Variants in ST6GAL1 observed in about 807,000 individuals in gnomAD.
ST6GAL1 encodes the protein ST6 beta-galactoside alpha-2,6-sialyltransferase 1.
Under a neutral mutation model 38.0 loss-of-function variants are expected in ST6GAL1, and 20 were observed. The ratio of observed to expected loss-of-function variants is 0.53; its 90% CI spans 0.37 to 0.77. ST6GAL1 has a LOEUF of 0.77. Among genes scored for constraint, ST6GAL1 ranks in the 30% least tolerant of loss-of-function variants. The pLI, the probability that ST6GAL1 is intolerant of heterozygous loss-of-function variation, is 0.00. For synonymous variants in ST6GAL1, 196 were observed against 188.2 expected (o/e 1.04, Z -0.34); for missense variants, 432 against 496.4 (o/e 0.87, Z 1.23).
At chr3:187,044,705 T>G (rs1027104120) in intron 4 of ST6GAL1, among the ~76,000 whole-genome samples, 21 of 152,338 alleles carry the variant, frequency 1.4e-4, no homozygotes, top group Non-Finnish European at 2.9e-4. Context: ...CGTGCCTGGC[T>G]GAAATTGTAC....
In ST6GAL1 at chr3:186,975,573, A is replaced by G. The variant is rs1490300003; in HGVS notation, c.-183+11647A>G. Reference sequence around the variant, plus strand: ...TCAACCAGTCTCCCTCTGCCTGTCCACAACTGAACTTCCCCACAGTGTGTT... The same window carrying G: ...TCAACCAGTCTCCCTCTGCCTGTCCGCAACTGAACTTCCCCACAGTGTGTT... On this transcript the variant is annotated intron_variant, in intron 2 of 7. Transcript: ENST00000169298. 2.0e-5 allele frequency among the ~76,000 whole-genome samples: 3 copies of G among 152,206 alleles called. 1 individual carries two copies. Among genetic ancestry groups the G allele is most frequent in the Non-Finnish European group, 4.4e-5 (3 of 68,028 alleles).
At position 186,949,436 on chromosome 3, in the gene ST6GAL1, G is replaced by A. The variant is rs73069431; in HGVS notation, c.-324-14349G>A. On this transcript the variant is annotated intron_variant, in intron 1 of 7. Transcript: ENST00000169298. ...CAGTGTGAGGAATGAATCCCCAGAAGATGATTCCTGCCAGAGGGCTTGTGA... is the reference window on the plus strand; with the variant it reads ...CAGTGTGAGGAATGAATCCCCAGAAAATGATTCCTGCCAGAGGGCTTGTGA... 8.1e-3 allele frequency among the ~76,000 whole-genome samples: 1,232 copies of A among 152,328 alleles called. 20 individuals are homozygous for A. Among genetic ancestry groups the A allele is most frequent in the African/African-American group, 0.028 (1,155 of 41,564 alleles).
intron 2 of ST6GAL1, among the ~76,000 whole-genome samples, chr3:187,032,406 A>C (rs1717784175): frequency 6.6e-6 from 1 of 152,224 alleles, no homozygotes; most frequent in African/African-American, 2.4e-5. Flanking sequence ...AGTGTTTTCT[A>C]CAGGGGGCTA....
intron 1 of ST6GAL1, among the ~76,000 whole-genome samples, chr3:186,945,169 G>A (rs1387857172): frequency 2.0e-5 from 3 of 152,130 alleles, no homozygotes; most frequent in Admixed American, 6.5e-5. Context: ...TCAGCTGGGT[G>A]TGGTAGTGCA....
chr3:186,970,203 TC>T (rs1205091666), intron 2 of ST6GAL1, among the ~76,000 whole-genome samples: 11 of 144,908 alleles, frequency 7.6e-5, no homozygotes, highest in African/African-American at 2.6e-4. Context: ...TATTTCTTTT[TC>T]TTTTCTTTTT....
At chr3:187,073,013 C>A in intron 6 of ST6GAL1, 66 bp downstream of exon 6, 2 of 1,362,150 alleles carry the variant, frequency 1.5e-6, no homozygotes, top group Non-Finnish European at 2.1e-6. Flanking sequence ...TCCTGATTTC[C>A]TAGGTTTTTA....
chr3:187,064,700 A>C, intron 5 of ST6GAL1: 1 of 448,694 alleles, frequency 2.2e-6, no homozygotes, highest in East Asian at 7.0e-5. Context: ...TGGCCGCTCC[A>C]TGACAGCACT....
intron 1 of ST6GAL1, among the ~76,000 whole-genome samples, chr3:186,949,176 C>A (rs1458186346): frequency 1.2e-4 from 18 of 152,154 alleles, no homozygotes; most frequent in Admixed American, 1.0e-3. Flanking sequence ...GGATCTGAGC[C>A]CTGGAGGAGA....
intron 1 of ST6GAL1, among the ~76,000 whole-genome samples, chr3:186,946,509 TGTTGGG>T (rs904623715): frequency 2.6e-5 from 4 of 152,018 alleles, no homozygotes; most frequent in Non-Finnish European, 4.4e-5. Context: ...CCTCCGAAAG[TGTTGGG>T]ATTACAGGTC....
intron 2 of ST6GAL1, among the ~76,000 whole-genome samples, chr3:187,022,391 C>CT (rs1381011236): frequency 1.4e-4 from 21 of 152,218 alleles, no homozygotes; most frequent in Middle Eastern, 3.4e-3. Context: ...GCTGAGGGGC[C>CT]TTACAAGTCT....
chr3:187,047,895 C>A (rs1238837631), intron 4 of ST6GAL1, among the ~76,000 whole-genome samples: 5 of 151,604 alleles, frequency 3.3e-5, no homozygotes, highest in Non-Finnish European at 7.4e-5. Context: ...ATTAGAATAT[C>A]CATCTCCTCA....
Position 187,075,860 on chromosome 3 carries a change from C to A in ST6GAL1, c.*57C>A. On this transcript the variant is annotated 3_prime_UTR_variant, in exon 8 of 8. Transcript: ENST00000169298. The surrounding 1 kb of genome is among the most constrained non-coding windows in gnomAD (Gnocchi z 4.1). ...TTAAATGAATGGTCTCTTGGCCACCCCAGCCTGGGAAGAACATTTTCCTGA... is the reference window on the plus strand; with the variant it reads ...TTAAATGAATGGTCTCTTGGCCACCACAGCCTGGGAAGAACATTTTCCTGA... 1 of 1,599,366 alleles carries A rather than the reference C, an allele frequency of 6.3e-7. No homozygotes were observed. Among genetic ancestry groups the A allele is most frequent in the South Asian group, 1.1e-5 (1 of 89,112 alleles).
chr3:186,930,654 G>T lies in ST6GAL1; in HGVS notation c.-505G>T. ...TCCCGGGCGATCCTGCCCTTGCCGA[G>T]CGCGTTTTCTGGAGTCACCTGGGGG... On this transcript the variant is annotated 5_prime_UTR_variant, in exon 1 of 8. Transcript: ENST00000169298. The T allele has an allele frequency of 6.6e-6, 1 of 152,652 alleles. No individual in the cohort carries two copies. The highest frequency in any genetic ancestry group is 1.5e-5 in the Non-Finnish European group (1 of 68,296). The allele number at this position is 152,652 out of a possible 1,614,324, so 9.5% of individuals were successfully genotyped here. A position where few individuals can be genotyped will look rare whatever the true frequency, so the allele number is the denominator to read the frequency against.
At position 187,076,276 on chromosome 3, in the gene ST6GAL1, G is replaced by C. The variant is rs1393996102; in HGVS notation, c.*473G>C. 5.9e-6 allele frequency: 1 copy of C among 170,526 alleles called. No homozygotes were observed. The allele number at this position is 170,526 out of a possible 1,614,324, so 10.6% of individuals were successfully genotyped here. On this transcript the variant is annotated 3_prime_UTR_variant, in exon 8 of 8. Coordinates refer to ENST00000169298, the MANE Select transcript of ST6GAL1 (RefSeq NM_173216.2). Reference sequence around the variant, plus strand: ...CAGGGTGGCTCTGGGGGGCAAGTAGGTGGTACAGGGGATTGGAAACATGCT... The same window carrying C: ...CAGGGTGGCTCTGGGGGGCAAGTAGCTGGTACAGGGGATTGGAAACATGCT...
intron 2 of ST6GAL1, among the ~76,000 whole-genome samples, chr3:186,972,683 T>C (rs1158844158): frequency 6.6e-6 from 1 of 152,174 alleles, no homozygotes; most frequent in Admixed American, 6.5e-5. Flanking sequence ...TAGGTGTTTA[T>C]TTAAAAAAGT....
intron 1 of ST6GAL1, among the ~76,000 whole-genome samples, chr3:186,938,328 A>G (rs916141932): frequency 1.6e-4 from 25 of 152,354 alleles, no homozygotes; most frequent in Admixed American, 3.3e-4. Context: ...TGTATCGCCT[A>G]TGTAGACTTG....
intron 3 of ST6GAL1, among the ~76,000 whole-genome samples, chr3:187,040,703 A>C (rs976079734): frequency 6.6e-6 from 1 of 152,184 alleles, no homozygotes; most frequent in African/African-American, 2.4e-5. Flanking sequence ...TCATGTGATT[A>C]CCTGTGTTGG....
At chr3:186,983,340 G>A (rs1715755930) in intron 2 of ST6GAL1, among the ~76,000 whole-genome samples, 2 of 152,154 alleles carry the variant, frequency 1.3e-5, no homozygotes, top group Admixed American at 1.3e-4. Context: ...GAATATAATT[G>A]AGATTTAAGT....
At chr3:187,044,488 C>T (rs896768593) in intron 4 of ST6GAL1, among the ~76,000 whole-genome samples, 2 of 152,226 alleles carry the variant, frequency 1.3e-5, no homozygotes, top group Admixed American at 1.3e-4. Context: ...TAGGCAGCTG[C>T]CCCGCTGGCC....
Sources: gnomAD v4.1 joint callset for allele counts (sites outside exome capture counted in the v4.1 genomes callset) on GRCh38, gnomAD v4.1.1 for gene constraint, Gnocchi (gnomAD v3.1) non-coding constraint, MANE v1.5 for transcripts, NCBI Gene and HGNC (gene_info 2026-07-23, HGNC 2026-07-21) for gene names.